AZIN2: variants seen among roughly 807,000 people sequenced by gnomAD.
AZIN2 encodes the protein antizyme inhibitor 2.
Under a neutral mutation model 47.8 loss-of-function variants are expected in AZIN2, and 28 were observed. The observed-to-expected ratio is 0.59, with a 90% CI of 0.43 to 0.80. The LOEUF (loss-of-function observed/expected upper bound fraction) is 0.80. Among genes scored for constraint, AZIN2 ranks in the 30% least tolerant of loss-of-function variants. The pLI is 0.00. For synonymous variants in AZIN2, 221 were observed against 239.4 expected (o/e 0.92, Z 0.71); for missense variants, 535 against 582.5 (o/e 0.92, Z 0.84).
the AZIN2 span, among the ~76,000 whole-genome samples, chr1:33,154,798 CA>C: frequency 5.8e-4 from 60 of 102,754 alleles, no homozygotes; most frequent in Admixed American, 8.5e-4. Flanking sequence ...ACTCCGTATC[CA>C]AAAAAAAAAA....
At chr1:33,114,577 T>C (rs1300451529) in intron 10 of AZIN2, among the ~76,000 whole-genome samples, 1 of 151,708 alleles carries the variant, frequency 6.6e-6, no homozygotes, top group Admixed American at 6.6e-5. Context: ...ATGGTCTCGA[T>C]TTCCTGACCT....
In AZIN2 at chr1:33,098,143, G is replaced by C. The variant is rs779012479; in HGVS notation, c.993G>C (p.Leu331=). 10 of 1,613,604 alleles carry C rather than the reference G, an allele frequency of 6.2e-6. No homozygotes were observed. In the East Asian group the frequency reaches 1.8e-4, roughly 29 times the overall value. The change falls in exon 10 of 12, where the codon CTG becomes CTC. Residue 331 remains leucine, a synonymous_variant. Coordinates refer to ENST00000294517, the MANE Select transcript of AZIN2 (RefSeq NM_052998.4). ...EGVYGIFNSV[L]FDNICPTPIL... The stretch of plus-strand genomic sequence containing the variant: ...TGTATGGGATCTTCAACTCAGTCCT[G>C]TTTGACAACATCTGCCCTACCCCCA...
chr1:33,152,813 G>A, the AZIN2 span, among the ~76,000 whole-genome samples: 14 of 152,128 alleles, frequency 9.2e-5, no homozygotes, highest in Non-Finnish European at 1.5e-4. Flanking sequence ...GGAATGTGCC[G>A]GGACTCAAAA....
chr1:33,097,475 G>A (rs1292940630), intron 9 of AZIN2, among the ~76,000 whole-genome samples: 2 of 152,142 alleles, frequency 1.3e-5, no homozygotes, highest in African/African-American at 4.8e-5. Flanking sequence ...GATAGGTCAG[G>A]GATAGCAGCC....
the AZIN2 span, chr1:33,146,260 G>GAGAT: frequency 4.9e-6 from 1 of 205,826 alleles, no homozygotes; most frequent in East Asian, 1.4e-4. Context: ...GATCCTAACT[G>GAGAT]AGATAGATGC....
the AZIN2 span, among the ~76,000 whole-genome samples, chr1:33,157,971 G>A: frequency 6.6e-6 from 1 of 152,092 alleles, no homozygotes; most frequent in Non-Finnish European, 1.5e-5. Context: ...TGACCAGGCT[G>A]GTCTCGAACT....
intron 10 of AZIN2, among the ~76,000 whole-genome samples, chr1:33,112,648 T>A (rs755287560): frequency 4.6e-5 from 7 of 152,210 alleles, no homozygotes; most frequent in Non-Finnish European, 1.0e-4. Flanking sequence ...GGAAATTTTA[T>A]CTTTCTTCAG....
rs772260332 is a variant in AZIN2, at chr1:33,098,055, C to G, written c.917-12C>G. Reference sequence around the variant, plus strand: ...GCTACTTGTGCTGCCTCTGAACCCTCCCCTCCTGCAGAGGAAAATGGTTCC... The same window carrying G: ...GCTACTTGTGCTGCCTCTGAACCCTGCCCTCCTGCAGAGGAAAATGGTTCC... On this transcript the variant is annotated splice_polypyrimidine_tract_variant and intron_variant, in intron 9 of 11. Coordinates refer to ENST00000294517, the MANE Select transcript of AZIN2 (RefSeq NM_052998.4). The G allele has an allele frequency of 1.2e-6, 2 of 1,601,662 alleles. No homozygotes were observed. Among genetic ancestry groups the G allele is most frequent in the South Asian group, 2.2e-5 (2 of 90,854 alleles).
chr1:33,143,413 A>G, the AZIN2 span, among the ~76,000 whole-genome samples: 1 of 152,120 alleles, frequency 6.6e-6, no homozygotes, highest in African/African-American at 2.4e-5. Flanking sequence ...CCAAAATGAG[A>G]GGGCGTGGTT....
chr1:33,154,286 G>C, the AZIN2 span, among the ~76,000 whole-genome samples: 1 of 152,016 alleles, frequency 6.6e-6, no homozygotes, highest in Admixed American at 6.6e-5. Context: ...CCCAGTCACT[G>C]ACCCAGGACA....
intron 10 of AZIN2, chr1:33,101,729 A>G: frequency 4.7e-6 from 3 of 643,348 alleles, no homozygotes; most frequent in Non-Finnish European, 8.5e-6. Flanking sequence ...ATCTAAATCT[A>G]TTCCTCGAGT....
chr1:33,101,194 A>G (rs1047740096), intron 10 of AZIN2, among the ~76,000 whole-genome samples: 3 of 151,166 alleles, frequency 2.0e-5, no homozygotes, highest in African/African-American at 7.3e-5. Context: ...TGGTTTCCCC[A>G]TACTCTTTTC....
chr1:33,097,867 C>A, intron 9 of AZIN2, 200 bp from the exon 10 acceptor site: 1 of 586,080 alleles, frequency 1.7e-6, no homozygotes, highest in Middle Eastern at 4.6e-4. Flanking sequence ...TGCTTGGCTG[C>A]AGGGGTGAGT....
intron 8 of AZIN2, among the ~76,000 whole-genome samples, chr1:33,095,686 A>T (rs918735327): frequency 6.6e-6 from 1 of 152,208 alleles, no homozygotes; most frequent in African/African-American, 2.4e-5. Flanking sequence ...ACACACTACA[A>T]AATCTGCATA....
intron 7 of AZIN2, among the ~76,000 whole-genome samples, chr1:33,093,731 CTTT>C (rs776963959): frequency 1.0e-4 from 14 of 134,636 alleles, no homozygotes; most frequent in Admixed American, 1.5e-4. Context: ...TTCTTTCTTT[CTTT>C]TTTTTTTTTT....
rs961402883 is a variant in AZIN2 at position 33,121,248 on chromosome 1, T to C, written c.*1066T>C. Among the ~76,000 whole-genome samples, 1 of 152,208 alleles carries C rather than the reference T, an allele frequency of 6.6e-6. No individual in the cohort carries two copies. Among genetic ancestry groups the C allele is most frequent in the Non-Finnish European group, 1.5e-5 (1 of 68,028 alleles). On this transcript the variant is annotated 3_prime_UTR_variant, in exon 12 of 12. Transcript: ENST00000294517. ...TAAAAGATTTGAGATGTAATTCATA[T>C]GCAATCATCAAATTCACCCTTTTAA...
At chr1:33,138,628 A>ACAG in the AZIN2 span, among the ~76,000 whole-genome samples, 1 of 128,688 alleles carries the variant, frequency 7.8e-6, no homozygotes, top group African/African-American at 3.2e-5. Flanking sequence ...AACAACAACA[A>ACAG]AAAAAAAAAA....
At chr1:33,159,570 T>C in the AZIN2 span, 7 of 1,383,168 alleles carry the variant, frequency 5.1e-6, no homozygotes, top group Non-Finnish European at 6.7e-6. The surrounding 1 kb of genome is among the most constrained non-coding windows in gnomAD (Gnocchi z 4.2). Context: ...AAATGTTTGA[T>C]GAAGATTTGA....
chr1:33,145,981 A>G, the AZIN2 span: 4 of 467,244 alleles, frequency 8.6e-6, no homozygotes, highest in Non-Finnish European at 1.8e-5. Flanking sequence ...GGAGAGGGGC[A>G]GGCCTCAGGA....
Sources: allele counts gnomAD v4.1 joint callset (sites outside exome capture counted in the v4.1 genomes callset), GRCh38; gene constraint gnomAD v4.1.1; non-coding constraint Gnocchi (gnomAD v3.1); transcripts MANE v1.5; gene names NCBI Gene and HGNC (gene_info 2026-07-23, HGNC 2026-07-21).